The following GARS1 variants were observed in gnomAD, a reference collection of about 807,000 sequenced individuals.
GARS1 encodes glycyl-tRNA synthetase 1, also known as glycine--tRNA ligase.
GARS1 carries 46 observed loss-of-function variants against 86.4 expected under a neutral mutation model. The ratio of observed to expected loss-of-function variants is 0.53; its 90% CI spans 0.42 to 0.68. GARS1 has a LOEUF of 0.68. Ranked by LOEUF, GARS1 falls within the 30% of genes least tolerant of loss-of-function variation. GARS1 has a pLI of 0.00. For missense variants in GARS1, 797 were observed against 915.6 expected, an observed-to-expected ratio of 0.87 and a Z score of 1.67; for synonymous variants, 342 against 329.8, an observed-to-expected ratio of 1.04 and a Z score of -0.40.
chr7:30,596,095 C>G (rs1328398125), intron 1 of GARS1, among the ~76,000 whole-genome samples: 2 of 152,184 alleles, frequency 1.3e-5, no homozygotes, highest in Non-Finnish European at 2.9e-5. Context: ...CAGTAGGACC[C>G]CGGAGATCAT....
chr7:30,625,378 G>A (rs773429159), intron 12 of GARS1, among the ~76,000 whole-genome samples: 2 of 152,166 alleles, frequency 1.3e-5, no homozygotes, highest in Non-Finnish European at 2.9e-5. Flanking sequence ...TAGTAAAAAC[G>A]GAAGAATTCA....
chr7:30,596,876 C>T (rs1157614084), intron 1 of GARS1, among the ~76,000 whole-genome samples: 1 of 152,166 alleles, frequency 6.6e-6, no homozygotes, highest in East Asian at 1.9e-4. Context: ...TCACCCCTAT[C>T]CATTTTGGAT....
At chr7:30,613,475 C>T (rs1056570731) in intron 8 of GARS1, among the ~76,000 whole-genome samples, 4 of 152,184 alleles carry the variant, frequency 2.6e-5, no homozygotes, top group African/African-American at 9.7e-5. Flanking sequence ...GAGGAAGCTG[C>T]GTAAGGCTGA....
intron 16 of GARS1, among the ~76,000 whole-genome samples, chr7:30,633,341 G>C (rs905980731): frequency 1.3e-5 from 2 of 152,202 alleles, no homozygotes; most frequent in East Asian, 3.8e-4. Flanking sequence ...TGATTCTGAC[G>C]TGCACTCAAG....
intron 12 of GARS1, among the ~76,000 whole-genome samples, chr7:30,624,269 T>C (rs1424605383): frequency 1.3e-5 from 2 of 152,172 alleles, no homozygotes; most frequent in East Asian, 3.8e-4. Context: ...AGACCTCCAC[T>C]ATGAGAATTG....
At chr7:30,611,690 G>A (rs1791600651) in intron 7 of GARS1, among the ~76,000 whole-genome samples, 1 of 152,166 alleles carries the variant, frequency 6.6e-6, no homozygotes, top group Admixed American at 6.5e-5. Context: ...CTCCATGTTG[G>A]TCAGGCTGAT....
At chr7:30,601,686 G>T (rs980761245) in intron 4 of GARS1, among the ~76,000 whole-genome samples, 1 of 152,224 alleles carries the variant, frequency 6.6e-6, no homozygotes, top group African/African-American at 2.4e-5. Flanking sequence ...AGGTATACTT[G>T]TAGAGATTTT....
intron 6 of GARS1, among the ~76,000 whole-genome samples, chr7:30,604,149 C>T (rs146008008): frequency 6.6e-6 from 1 of 152,246 alleles, no homozygotes; most frequent in African/African-American, 2.4e-5. Context: ...TGCAGGAATA[C>T]TTTCTATATT....
At position 30,621,168 on chromosome 7, in the gene GARS1, A is replaced by C. The variant is rs555578411; in HGVS notation, c.1360-225A>C. 3.3e-5 allele frequency among the ~76,000 whole-genome samples: 5 copies of C among 151,576 alleles called. No homozygotes were observed. In the South Asian group the frequency reaches 1.0e-3, roughly 32 times the overall value. On this transcript the variant is annotated intron_variant, in intron 10 of 16. Coordinates refer to ENST00000389266, the MANE Select transcript of GARS1 (RefSeq NM_002047.4). ...GTCCCAAGTACCTGGGATTACAGGCATGAGCCATCACACCCAGATCAGTGT... is the reference window on the plus strand; with the variant it reads ...GTCCCAAGTACCTGGGATTACAGGCCTGAGCCATCACACCCAGATCAGTGT...
In GARS1 at chr7:30,633,722, T is replaced by G. The variant is rs771635024; in HGVS notation, c.2095-13T>G. On this transcript the variant is annotated splice_polypyrimidine_tract_variant and intron_variant, in intron 16 of 16. Coordinates refer to ENST00000389266, the MANE Select transcript of GARS1 (RefSeq NM_002047.4). ...AGTTGGTTGATACTTGGCTTCTCTT[T>G]CCTTGTCTCTAGATCTCTGAGCTGC... The G allele has an allele frequency of 4.3e-6, 7 of 1,613,620 alleles. No homozygotes were observed. The highest frequency in any genetic ancestry group is 2.7e-5 in the African/African-American group (2 of 74,900).
At chr7:30,618,548 C>T (rs1191924134) in intron 10 of GARS1, among the ~76,000 whole-genome samples, 1 of 152,140 alleles carries the variant, frequency 6.6e-6, no homozygotes, top group Non-Finnish European at 1.5e-5. Flanking sequence ...GTGGGAAGAT[C>T]ACATGAGCCC....
At position 30,633,960 on chromosome 7, in the gene GARS1, C is replaced by T. The variant is rs762497046; in HGVS notation, c.*100C>T. On this transcript the variant is annotated 3_prime_UTR_variant, in exon 17 of 17. Coordinates refer to ENST00000389266, the MANE Select transcript of GARS1 (RefSeq NM_002047.4). Reference sequence around the variant, plus strand: ...AAGAAAACAGCATTGTGATTACTCCCAGGGACCGTATTTTATCTTCAGTGG... The same window carrying T: ...AAGAAAACAGCATTGTGATTACTCCTAGGGACCGTATTTTATCTTCAGTGG... The T allele has an allele frequency of 2.8e-6, 4 of 1,426,746 alleles. No individual in the cohort carries two copies. The highest frequency in any genetic ancestry group is 2.5e-5 in the South Asian group (2 of 78,810). The allele number at this position is 1,426,746 out of a possible 1,614,324, so 88.4% of individuals were successfully genotyped here. A position where few individuals can be genotyped will look rare whatever the true frequency, so the allele number is the denominator to read the frequency against.
At chr7:30,607,272 C>T (rs1490318340) in intron 6 of GARS1, among the ~76,000 whole-genome samples, 1 of 152,048 alleles carries the variant, frequency 6.6e-6, no homozygotes, top group South Asian at 2.1e-4. Context: ...TCATATAGCA[C>T]AATAGCAAAG....
intron 14 of GARS1, among the ~76,000 whole-genome samples, chr7:30,630,557 C>T (rs1783215760): frequency 7.0e-6 from 1 of 143,882 alleles, no homozygotes; most frequent in Admixed American, 7.2e-5. Context: ...TGTTGCTCAG[C>T]TGGAGTGCAG....
chr7:30,632,374 G>C lies in GARS1; in HGVS notation c.2031G>C (p.Val677=), dbSNP rs1290712778. The part of the protein sequence containing the change: ...AFGVTIDFDT[V]NKTPHTATLR... ...GTGTCACCATTGACTTTGACACAGT[G>C]AACAAGACCCCCCACACTGCAACTC... Residue 677 remains valine (V), a synonymous_variant, in exon 16 of 17, where the codon GTG becomes GTC. Coordinates refer to ENST00000389266, the MANE Select transcript of GARS1 (RefSeq NM_002047.4). This position sits in a 1 kb window ranked among gnomAD's most constrained non-coding sequence, Gnocchi z 4.1. 1 of 1,614,124 alleles carries C rather than the reference G, an allele frequency of 6.2e-7. No individual in the cohort carries two copies. Among genetic ancestry groups the C allele is most frequent in the African/African-American group, 1.3e-5 (1 of 75,040 alleles).
chr7:30,614,645 G>A (rs897031420), intron 8 of GARS1, among the ~76,000 whole-genome samples: 1 of 152,118 alleles, frequency 6.6e-6, no homozygotes, highest in Non-Finnish European at 1.5e-5. Context: ...GGAGGCAGAG[G>A]CGGGCGGATC....
intron 8 of GARS1, among the ~76,000 whole-genome samples, chr7:30,612,844 G>A (rs1392039184): frequency 2.0e-5 from 3 of 152,124 alleles, no homozygotes; most frequent in Admixed American, 1.3e-4. Flanking sequence ...GGGATGTGTG[G>A]GAAGGCATAT....
chr7:30,622,275 T>C lies in GARS1; in HGVS notation c.1468-42T>C, dbSNP rs771723659. The C allele has an allele frequency of 2.5e-6, 4 of 1,612,516 alleles. No homozygotes were observed. In the East Asian group the frequency reaches 6.7e-5, roughly 27 times the overall value. ...TTCTCAGGCTCATTTTCTGAAATACTGAGGCAGTGCTGTAGTTTTGGATTC... is the reference window on the plus strand; with the variant it reads ...TTCTCAGGCTCATTTTCTGAAATACCGAGGCAGTGCTGTAGTTTTGGATTC... On this transcript the variant is annotated intron_variant, in intron 11 of 16. Transcript: ENST00000389266.
At chr7:30,598,063 G>A (rs577376083) in intron 1 of GARS1, among the ~76,000 whole-genome samples, 65 of 152,342 alleles carry the variant, frequency 4.3e-4, no homozygotes, top group African/African-American at 1.5e-3. Flanking sequence ...TGACTGAGAA[G>A]AATGGTCAGA....
Sources: gnomAD v4.1 joint callset for allele counts (sites outside exome capture counted in the v4.1 genomes callset) on GRCh38, gnomAD v4.1.1 for gene constraint, Gnocchi (gnomAD v3.1) non-coding constraint, MANE v1.5 for transcripts, NCBI Gene and HGNC (gene_info 2026-07-23, HGNC 2026-07-21) for gene names.